The following RFC3 variants were observed in gnomAD, a reference collection of about 807,000 sequenced individuals.
RFC3 encodes the protein replication factor C subunit 3, also known as A1 38 kDa subunit.
In RFC3, 41 loss-of-function variants were observed where a neutral mutation model predicts 45.1. That is an observed-to-expected ratio of 0.91 (90% CI 0.71 to 1.18). The LOEUF (loss-of-function observed/expected upper bound fraction) is 1.18. Ranked by LOEUF, RFC3 falls within the 50% of genes most tolerant of loss-of-function variation. The probability of loss-of-function intolerance (pLI) is 0.00; values close to 1 mark genes in which losing one functional copy is unlikely to be tolerated. For synonymous variants in RFC3, 149 were observed against 144.0 expected (o/e 1.03, Z -0.25); for missense variants, 423 against 428.1 (o/e 0.99, Z 0.10).
intron 8 of RFC3, among the ~76,000 whole-genome samples, chr13:33,902,034 C>T (rs2082644786): frequency 6.6e-6 from 1 of 152,006 alleles, no homozygotes; most frequent in Non-Finnish European, 1.5e-5. Context: ...ATTCTGCCAT[C>T]CCACACATAA....
intron 8 of RFC3, among the ~76,000 whole-genome samples, chr13:33,926,144 T>A (rs1178649309): frequency 1.5e-5 from 2 of 134,734 alleles, no homozygotes. Flanking sequence ...CACTCATAGG[T>A]GGGAATTGAA....
chr13:33,914,689 A>G lies in RFC3; in HGVS notation c.880-51398A>G, dbSNP rs189973115. ...AAATTGGAAACAAATTATATGTCCA[A>G]TGCTAAATAATAATTAAGAATGACA... On this transcript the variant is annotated intron_variant, in intron 8 of 8. Coordinates refer to the RFC3 transcript ENST00000434425. Among the ~76,000 whole-genome samples, 13 of 152,298 alleles carry G rather than the reference A, an allele frequency of 8.5e-5. No homozygotes were observed. The East Asian group carries it at 2.5e-3, about 29-fold the overall frequency.
Position 33,836,415 on chromosome 13 carries a change from A to G in RFC3, c.*120A>G, listed in dbSNP as rs780062296. 15 of 1,489,606 alleles carry G rather than the reference A, an allele frequency of 1.0e-5. No homozygotes were observed. Among genetic ancestry groups the G allele is most frequent in the Non-Finnish European group, 1.3e-5 (15 of 1,124,790 alleles). 92.3% of individuals were successfully genotyped at this position (1,489,606 alleles called of 1,614,324 possible). On this transcript the variant is annotated 3_prime_UTR_variant, in exon 9 of 9. Transcript: ENST00000380071. ...ATGTCGTATTTGCGTTTTTTTGGTA[A>G]TAACTTCTCTGTGAACTATTAATCA... is the stretch of plus-strand genomic sequence containing the variant.
intron 8 of RFC3, among the ~76,000 whole-genome samples, chr13:33,913,200 G>A (rs1303842706): frequency 6.6e-6 from 1 of 152,068 alleles, no homozygotes; most frequent in African/African-American, 2.4e-5. Context: ...TACACTCCCT[G>A]GATAAGGAGA....
At chr13:33,910,949 C>A (rs1361126885) in intron 8 of RFC3, among the ~76,000 whole-genome samples, 2 of 151,868 alleles carry the variant, frequency 1.3e-5, no homozygotes, top group African/African-American at 4.8e-5. Flanking sequence ...TTCATGAGAG[C>A]AGCACGAAAG....
intron 4 of RFC3, among the ~76,000 whole-genome samples, chr13:33,828,694 G>A (rs1359934099): frequency 6.6e-6 from 1 of 152,124 alleles, no homozygotes; most frequent in African/African-American, 2.4e-5. Context: ...GCCCGGCAAT[G>A]TTTTGTATTT....
chr13:33,928,367 C>T (rs983789807), intron 8 of RFC3, among the ~76,000 whole-genome samples: 3 of 152,122 alleles, frequency 2.0e-5, no homozygotes, highest in Non-Finnish European at 4.4e-5. Context: ...ATACCTGCTA[C>T]AAATGTGAGT....
chr13:33,913,060 G>A (rs568320174), intron 8 of RFC3, among the ~76,000 whole-genome samples: 1 of 152,238 alleles, frequency 6.6e-6, no homozygotes, highest in African/African-American at 2.4e-5. Flanking sequence ...AGACAAAGGA[G>A]TGAGTTTAGC....
In RFC3 at chr13:33,920,421, T is replaced by TA. The variant is rs1491376278; in HGVS notation, c.880-45666_880-45665insA. Among the ~76,000 whole-genome samples, 431 of 71,406 alleles carry TA rather than the reference T, an allele frequency of 6.0e-3. 1 individual carries two copies. Among genetic ancestry groups the TA allele is most frequent in the African/African-American group, 0.056 (415 of 7,464 alleles). 46.8% of individuals were successfully genotyped at this position (71,406 alleles called of 152,430 possible). A position where few individuals can be genotyped will look rare whatever the true frequency, so the allele number is the denominator to read the frequency against. On this transcript the variant is annotated intron_variant, in intron 8 of 8. Transcript: ENST00000434425. ...AGTTTTAGAATTTGTACAACCACAC[T>TA]TTTTTTTTTTTTTTTTTTTTTTTTG...
chr13:33,951,021 C>T (rs1239385400), intron 8 of RFC3, among the ~76,000 whole-genome samples: 1 of 149,486 alleles, frequency 6.7e-6, no homozygotes, highest in African/African-American at 2.5e-5. Flanking sequence ...CTGATGTCTC[C>T]AGCCCACTCT....
intron 8 of RFC3, among the ~76,000 whole-genome samples, chr13:33,865,903 C>G (rs1019023883): frequency 2.6e-5 from 4 of 151,488 alleles, no homozygotes; most frequent in Non-Finnish European, 4.4e-5. Flanking sequence ...AAAATACACA[C>G]AAAAAATTAG....
At chr13:33,905,339 A>G (rs1270795696) in intron 8 of RFC3, among the ~76,000 whole-genome samples, 2 of 152,204 alleles carry the variant, frequency 1.3e-5, no homozygotes, top group African/African-American at 4.8e-5. Context: ...ATAGGCCTAC[A>G]ATCACAGATA....
downstream of RFC3, among the ~76,000 whole-genome samples, chr13:33,839,471 A>G (rs1229201813): frequency 6.6e-6 from 1 of 152,240 alleles, no homozygotes; most frequent in Non-Finnish European, 1.5e-5. Flanking sequence ...GTATGGTTGT[A>G]TCACTAGGCA....
chr13:33,934,028 A>C (rs1420186269), intron 8 of RFC3, among the ~76,000 whole-genome samples: 1 of 151,994 alleles, frequency 6.6e-6, no homozygotes, highest in Non-Finnish European at 1.5e-5. Flanking sequence ...AAATGAAAGA[A>C]AGGAAAGAGA....
chr13:33,819,272 G>A (rs1483038570), intron 1 of RFC3, among the ~76,000 whole-genome samples: 1 of 152,150 alleles, frequency 6.6e-6, no homozygotes, highest in Non-Finnish European at 1.5e-5. Flanking sequence ...AGTGCCCAAT[G>A]GCAATATTTT....
intron 8 of RFC3, among the ~76,000 whole-genome samples, chr13:33,954,374 A>C (rs561654183): frequency 7.2e-5 from 11 of 152,314 alleles, no homozygotes; most frequent in Admixed American, 7.2e-4. Flanking sequence ...CATTTCATCA[A>C]ATGTCCATGA....
At chr13:33,881,355 C>T (rs768397757) in intron 8 of RFC3, among the ~76,000 whole-genome samples, 6 of 152,142 alleles carry the variant, frequency 3.9e-5, no homozygotes, top group Non-Finnish European at 5.9e-5. Context: ...ACATCATTGG[C>T]GCTCTAAGTC....
At chr13:33,847,603 A>G (rs921988452) in intron 8 of RFC3, 34 of 152,018 alleles carry the variant, frequency 2.2e-4, no homozygotes, top group African/African-American at 8.2e-4. Flanking sequence ...AAAATCATTC[A>G]TATACCTCAC....
chr13:33,950,208 A>G (rs994742294), intron 8 of RFC3, among the ~76,000 whole-genome samples: 43 of 152,138 alleles, frequency 2.8e-4, no homozygotes, highest in African/African-American at 1.0e-3. Flanking sequence ...TAGATTTGAT[A>G]AAATTAATAA....
Sources: gnomAD v4.1 joint callset for allele counts (sites outside exome capture counted in the v4.1 genomes callset) on GRCh38, gnomAD v4.1.1 for gene constraint, MANE v1.5 for transcripts, NCBI Gene and HGNC (gene_info 2026-07-23, HGNC 2026-07-21) for gene names.